The following CALN1 variants were observed in gnomAD, a reference collection of about 807,000 sequenced individuals.
The protein encoded by CALN1 is calneuron 1, also known as calcium-binding protein 8.
A neutral mutation model predicts 30.6 loss-of-function variants in CALN1; 17 were observed. The ratio of observed to expected loss-of-function variants is 0.56; its 90% CI spans 0.38 to 0.83. The LOEUF is 0.83. Ranked by LOEUF, CALN1 falls within the 40% of genes least tolerant of loss-of-function variation. The pLI, the probability that CALN1 is intolerant of heterozygous loss-of-function variation, is 0.00. For missense variants in CALN1, 291 were observed against 354.9 expected (o/e 0.82, Z 1.45); for synonymous variants, 156 against 131.4 (o/e 1.19, Z -1.28).
the CALN1 span, among the ~76,000 whole-genome samples, chr7:72,487,890 AAAAG>A: frequency 3.6e-3 from 219 of 60,278 alleles, 1 homozygote; most frequent in East Asian, 0.011. Context: ...GAAAGAAAAG[AAAAG>A]AAAGAAAGAA....
At chr7:71,854,615 A>C (rs1173297646) in intron 5 of CALN1, among the ~76,000 whole-genome samples, 1 of 152,228 alleles carries the variant, frequency 6.6e-6, no homozygotes. Context: ...AAAAGTGTAC[A>C]CTACAAAGTA....
At chr7:72,377,409 C>T (rs562240750) in intron 2 of CALN1, among the ~76,000 whole-genome samples, 40 of 148,908 alleles carry the variant, frequency 2.7e-4, no homozygotes, top group African/African-American at 9.7e-4. Context: ...TGCTTTTTTA[C>T]TCTTTGGGTA....
rs377675986 is a variant in CALN1 at position 71,836,322 on chromosome 7, G to C, written c.502-25830C>G. ...CAAGGGCAAGAGTAACGACACGATG[G>C]GGGCAGGGAGCAGCTCCAGGGAAAA... On this transcript the variant is annotated intron_variant, in intron 5 of 6. Transcript: ENST00000395275. 1.2e-4 allele frequency among the ~76,000 whole-genome samples: 19 copies of C among 152,276 alleles called. No homozygotes were observed. In the East Asian group the frequency reaches 2.5e-3, roughly 20 times the overall value.
Position 72,010,745 on chromosome 7 carries a change from G to A in CALN1, c.501+12912C>T, listed in dbSNP as rs982229002. ...GAAAAATTGCTTGAACCCAGGAGGC[G>A]GAGATTGCAGTGAGCCAAGATCGCG... On this transcript the variant is annotated intron_variant, in intron 5 of 6. Coordinates refer to ENST00000395275, the MANE Select transcript of CALN1 (RefSeq NM_031468.4). 5.9e-5 allele frequency among the ~76,000 whole-genome samples: 9 copies of A among 151,448 alleles called. No individual in the cohort carries two copies. The East Asian group carries it at 1.4e-3, about 23-fold the overall frequency.
At chr7:71,911,709 G>C (rs139258523) in intron 5 of CALN1, among the ~76,000 whole-genome samples, 2 of 152,044 alleles carry the variant, frequency 1.3e-5, no homozygotes, top group African/African-American at 4.8e-5. Flanking sequence ...TTAAAATTCT[G>C]CCTAGAATGA....
At chr7:72,135,218 T>C (rs1809423351) in intron 3 of CALN1, among the ~76,000 whole-genome samples, 1 of 152,212 alleles carries the variant, frequency 6.6e-6, no homozygotes, top group Non-Finnish European at 1.5e-5. Context: ...CTGTTAAATG[T>C]TGATATTTTG....
chr7:72,316,439 G>A (rs556289195), intron 2 of CALN1, among the ~76,000 whole-genome samples: 3 of 152,052 alleles, frequency 2.0e-5, no homozygotes, highest in Non-Finnish European at 4.4e-5. Flanking sequence ...AGGAATGGAT[G>A]CTGCAACCCC....
At chr7:72,242,065 C>T (rs1029751174) in intron 3 of CALN1, among the ~76,000 whole-genome samples, 2 of 152,176 alleles carry the variant, frequency 1.3e-5, no homozygotes, top group African/African-American at 4.8e-5. Context: ...CCCCTGGCAA[C>T]CACCCTTCTA....
chr7:72,043,951 T>C (rs550534494), intron 4 of CALN1, among the ~76,000 whole-genome samples: 1 of 152,288 alleles, frequency 6.6e-6, no homozygotes, highest in Admixed American at 6.5e-5. Context: ...AGAGGGCTTG[T>C]GTAGAGGAAC....
intron 2 of CALN1, among the ~76,000 whole-genome samples, chr7:72,396,500 A>C (rs961238667): frequency 3.9e-5 from 6 of 151,980 alleles, no homozygotes; most frequent in African/African-American, 1.2e-4. Flanking sequence ...GAAAGAAGAC[A>C]CTGGTGAATA....
At chr7:72,396,331 G>C (rs1334323073) in intron 2 of CALN1, among the ~76,000 whole-genome samples, 1 of 150,008 alleles carries the variant, frequency 6.7e-6, no homozygotes, top group Non-Finnish European at 1.5e-5. Context: ...GCTAAGGCAG[G>C]AGAATCGCTT....
chr7:72,397,750 A>C lies in CALN1; in HGVS notation c.119+5501T>G, dbSNP rs910385541. On this transcript the variant is annotated intron_variant, in intron 2 of 6. Coordinates refer to ENST00000395275, the MANE Select transcript of CALN1 (RefSeq NM_031468.4). ...CACACACACACACACACACACACAC[A>C]CCTTGCTCCAACCAAAGTGGGTCCT... Among the ~76,000 whole-genome samples, 14 of 144,200 alleles carry C rather than the reference A, an allele frequency of 9.7e-5. 1 individual carries two copies. The highest frequency in any genetic ancestry group is 4.2e-4 in the Admixed American group (6 of 14,334). 94.6% of individuals were successfully genotyped at this position (144,200 alleles called of 152,430 possible). A position where few individuals can be genotyped will look rare whatever the true frequency, so the allele number is the denominator to read the frequency against.
chr7:72,086,390 T>C (rs527266874), intron 4 of CALN1, among the ~76,000 whole-genome samples: 1 of 152,014 alleles, frequency 6.6e-6, no homozygotes, highest in South Asian at 2.1e-4. Flanking sequence ...AACCTGAAAA[T>C]GGAAAGAAAA....
intron 2 of CALN1, among the ~76,000 whole-genome samples, chr7:72,383,285 G>A (rs1246378510): frequency 2.0e-5 from 3 of 152,162 alleles, no homozygotes; most frequent in African/African-American, 7.2e-5. Context: ...ATTCTGTAAT[G>A]AGGCTGCGGG....
intron 2 of CALN1, among the ~76,000 whole-genome samples, chr7:72,281,251 G>A (rs1797718592): frequency 6.6e-6 from 1 of 152,132 alleles, no homozygotes; most frequent in South Asian, 2.1e-4. Context: ...GAAGGCCCCT[G>A]AAAGATGTAG....
intron 5 of CALN1, among the ~76,000 whole-genome samples, chr7:71,966,556 T>C (rs1018795559): frequency 1.3e-5 from 2 of 152,192 alleles, no homozygotes; most frequent in Non-Finnish European, 2.9e-5. Flanking sequence ...GGTCCTGCCA[T>C]GTAAGATGCA....
chr7:72,399,869 C>T (rs889965470), intron 2 of CALN1, among the ~76,000 whole-genome samples: 1 of 152,096 alleles, frequency 6.6e-6, no homozygotes, highest in Non-Finnish European at 1.5e-5. Context: ...GGGCACCCTT[C>T]CTGTGATAAT....
intron 4 of CALN1, among the ~76,000 whole-genome samples, chr7:72,052,373 C>T (rs1035191256): frequency 3.9e-5 from 6 of 152,220 alleles, no homozygotes; most frequent in Middle Eastern, 3.4e-3. Flanking sequence ...AGAGAAGATA[C>T]GGAGGATCTG....
chr7:72,108,368 G>A (rs1293772388), intron 3 of CALN1, among the ~76,000 whole-genome samples: 3 of 152,206 alleles, frequency 2.0e-5, no homozygotes, highest in African/African-American at 7.2e-5. Context: ...TCAGAGATTA[G>A]GATTTGATAT....
Sources: gnomAD v4.1 joint callset for allele counts (sites outside exome capture counted in the v4.1 genomes callset) on GRCh38, gnomAD v4.1.1 for gene constraint, MANE v1.5 for transcripts, NCBI Gene and HGNC (gene_info 2026-07-23, HGNC 2026-07-21) for gene names.